ZNF91: variants seen among roughly 807,000 people sequenced by gnomAD.
The protein encoded by ZNF91 is zinc finger protein 91.
Under a neutral mutation model 12.6 loss-of-function variants are expected in ZNF91, and 7 were observed. The ratio of observed to expected loss-of-function variants is 0.55; its 90% confidence interval spans 0.31 to 1.04. ZNF91 has a LOEUF of 1.04. ZNF91 is among the 50% of genes least tolerant of loss of function. The pLI is 0.05. For synonymous variants in ZNF91, 453 were observed against 462.6 expected (o/e 0.98, Z 0.27); for missense variants, 1,217 against 1,385.4 (o/e 0.88, Z 1.93).
chr19:23,380,266 CAAAAAAAAAAAAAAAAAAAAAAA>C (rs199502898), intron 1 of ZNF91: 9 of 52,728 alleles, frequency 1.7e-4, no homozygotes, highest in Non-Finnish European at 1.1e-4. Context: ...AAATCCGTCT[CAAAAAAAAAAAAAAAAAAAAAAA>C]AAAAAAAAAA....
At chr19:23,349,669 C>T (rs1968314857) in intron 3 of ZNF91, among the ~76,000 whole-genome samples, 1 of 152,160 alleles carries the variant, frequency 6.6e-6, no homozygotes, top group South Asian at 2.1e-4. Flanking sequence ...AGTGGACAGG[C>T]CCCTACACTG....
intron 1 of ZNF91, among the ~76,000 whole-genome samples, chr19:23,383,702 A>G (rs1418299356): frequency 6.6e-6 from 1 of 152,098 alleles, no homozygotes; most frequent in Non-Finnish European, 1.5e-5. Context: ...AAAAAAAAAA[A>G]GCTTGAAATA....
chr19:23,307,608 T>C (rs566983477), intron 2 of ZNF91: 1 of 152,388 alleles, frequency 6.6e-6, no homozygotes, highest in East Asian at 1.9e-4. Flanking sequence ...TCTACTCTCA[T>C]GCCTGGGACC....
intron 3 of ZNF91, among the ~76,000 whole-genome samples, chr19:23,351,816 A>T (rs1321863694): frequency 2.0e-5 from 3 of 152,148 alleles, no homozygotes; most frequent in Admixed American, 6.5e-5. Flanking sequence ...AACTGCAGAA[A>T]TGGGAAAGGG....
At chr19:23,345,427 C>T (rs1384865479) in intron 3 of ZNF91, among the ~76,000 whole-genome samples, 5 of 152,152 alleles carry the variant, frequency 3.3e-5, no homozygotes, top group African/African-American at 1.2e-4. Context: ...GAACATTGGA[C>T]TTTACAATTT....
intron 1 of ZNF91, among the ~76,000 whole-genome samples, chr19:23,378,051 T>C (rs1377386746): frequency 2.6e-5 from 4 of 152,230 alleles, no homozygotes; most frequent in Non-Finnish European, 5.9e-5. Flanking sequence ...AGATGAATTA[T>C]TATGTTTATA....
chr19:23,390,970 T>C (rs1970047829), intron 1 of ZNF91, among the ~76,000 whole-genome samples: 1 of 152,254 alleles, frequency 6.6e-6, no homozygotes, highest in African/African-American at 2.4e-5. Context: ...GTGAACACCC[T>C]TGTGCATGTG....
intron 1 of ZNF91, among the ~76,000 whole-genome samples, chr19:23,392,574 A>G (rs1327718636): frequency 6.6e-6 from 1 of 151,930 alleles, no homozygotes; most frequent in African/African-American, 2.4e-5. Flanking sequence ...TGGAAAAATC[A>G]TGAGGGCAGG....
intron 1 of ZNF91, among the ~76,000 whole-genome samples, chr19:23,381,460 C>T: frequency 7.0e-6 from 1 of 142,828 alleles, no homozygotes; most frequent in South Asian, 2.3e-4. Context: ...TTTTTTCTTT[C>T]TCTTTTTTTT....
intron 1 of ZNF91, among the ~76,000 whole-genome samples, chr19:23,316,233 C>T (rs1055386352): frequency 6.7e-6 from 1 of 149,604 alleles, no homozygotes; most frequent in East Asian, 2.0e-4. Flanking sequence ...GGGCCCAATA[C>T]CTAGAAAATG....
intron 3 of ZNF91, among the ~76,000 whole-genome samples, chr19:23,344,125 C>T (rs1339696312): frequency 1.3e-5 from 2 of 151,956 alleles, no homozygotes; most frequent in Admixed American, 6.6e-5. Flanking sequence ...GATGGAGTCT[C>T]GTTCTGTCAC....
In ZNF91 at chr19:23,359,569, T is replaced by C. The variant is rs888727904; in HGVS notation, c.3410A>G (p.Glu1137Gly). ...CTGGTTAAAGGCTTTGCCACATTTT[T>C]CACATTTGTAGGGTTTCTCTCCAGT... ...IHTGEKPYKC[E>G]KCGKAFNQSS... The change falls in exon 4 of 4, where the codon GAA becomes GGA. Residue 1137 changes from glutamate to glycine, a missense_variant. By Grantham distance (98) the Glu-to-Gly change is moderately conservative. Around this residue, in one of 2 missense-constraint regions of ZNF91, gnomAD observed 491 missense variants for 489.8 expected, o/e 1.00. Coordinates refer to ENST00000300619, the MANE Select transcript of ZNF91 (RefSeq NM_003430.4). 1.2e-6 allele frequency: 2 copies of C among 1,614,064 alleles called. No homozygotes were observed. The highest frequency in any genetic ancestry group is 1.7e-6 in the Non-Finnish European group (2 of 1,179,944).
chr19:23,382,588 G>A (rs942997664), intron 1 of ZNF91, among the ~76,000 whole-genome samples: 2 of 151,822 alleles, frequency 1.3e-5, no homozygotes, highest in South Asian at 2.1e-4. Flanking sequence ...TCTTCTCATC[G>A]CCACGTGGCA....
At chr19:23,329,995 G>A (rs916334315) in intron 1 of ZNF91, among the ~76,000 whole-genome samples, 54 of 152,274 alleles carry the variant, frequency 3.5e-4, no homozygotes, top group African/African-American at 1.3e-3. Context: ...CCTCTTCCGT[G>A]TGAATTAGGC....
chr19:23,364,418 C>T (rs2145068282), intron 3 of ZNF91, among the ~76,000 whole-genome samples: 1 of 152,144 alleles, frequency 6.6e-6, no homozygotes, highest in Admixed American at 6.5e-5. Context: ...GCACTCCAGC[C>T]TGGGCAACAA....
chr19:23,340,014 A>G (rs970756387), intron 3 of ZNF91: 4 of 151,932 alleles, frequency 2.6e-5, no homozygotes, highest in Non-Finnish European at 5.9e-5. Context: ...GAAACACAAT[A>G]TAATAAAACC....
At chr19:23,363,064 G>T (rs1599727630) in intron 3 of ZNF91, among the ~76,000 whole-genome samples, 1 of 152,222 alleles carries the variant, frequency 6.6e-6, no homozygotes, top group East Asian at 1.9e-4. Context: ...GAAAATTTAT[G>T]AATGAGTTAA....
intron 1 of ZNF91, among the ~76,000 whole-genome samples, chr19:23,319,407 C>A (rs554980693): frequency 1.3e-5 from 2 of 152,318 alleles, no homozygotes; most frequent in East Asian, 3.9e-4. Flanking sequence ...CTGGGCTCTG[C>A]TAAAGAGGGT....
downstream of ZNF91, among the ~76,000 whole-genome samples, chr19:23,356,896 C>A (rs1338160401): frequency 1.3e-5 from 2 of 152,100 alleles, no homozygotes; most frequent in East Asian, 1.9e-4. Context: ...GAGTTGGAGA[C>A]CAGTTTGACC....
Sources: gnomAD v4.1 joint callset for allele counts (sites outside exome capture counted in the v4.1 genomes callset) on GRCh38, gnomAD v4.1.1 for gene constraint, gnomAD v4.1.1 regional missense constraint, MANE v1.5 for transcripts, NCBI Gene and HGNC (gene_info 2026-07-23, HGNC 2026-07-21) for gene names.